KMT5B: variants seen among roughly 807,000 people sequenced by gnomAD.
KMT5B encodes lysine methyltransferase 5B, also known as histone-lysine N-methyltransferase KMT5B.
Under a neutral mutation model 83.2 loss-of-function variants are expected in KMT5B, and 10 were observed. The observed-to-expected ratio is 0.12, with a 90% CI of 0.07 to 0.20. KMT5B has a LOEUF of 0.20. Among genes scored for constraint, KMT5B ranks in the 10% least tolerant of loss-of-function variants. The pLI is 1.00. For missense variants in KMT5B, 753 were observed against 1,067.2 expected, an observed-to-expected ratio of 0.71 and a Z score of 4.10; for synonymous variants, 349 against 388.8, an observed-to-expected ratio of 0.90 and a Z score of 1.20.
In KMT5B at chr11:68,171,885, C is replaced by T. The variant is rs1005362090; in HGVS notation, c.654-176G>A. 1.3e-5 allele frequency among the ~76,000 whole-genome samples: 2 copies of T among 152,186 alleles called. No individual in the cohort carries two copies. The highest frequency in any genetic ancestry group is 4.8e-5 in the African/African-American group (2 of 41,440). On this transcript the variant is annotated intron_variant, in intron 6 of 10. Transcript: ENST00000304363. This position sits in a 1 kb window ranked among gnomAD's most constrained non-coding sequence, Gnocchi z 5.1. ...TCTTCTCTCCTACCCTGGAGCTCCA[C>T]AGCCTTGTGCCATGGTTACTTGTGT...
In KMT5B at chr11:68,169,136, G is replaced by A. The variant is rs145474726; in HGVS notation, c.977+1879C>T. 1.2e-3 allele frequency among the ~76,000 whole-genome samples: 188 copies of A among 152,308 alleles called. 1 individual carries two copies. Among genetic ancestry groups the A allele is most frequent in the African/African-American group, 3.1e-3 (129 of 41,560 alleles). On this transcript the variant is annotated intron_variant, in intron 9 of 10. Coordinates refer to ENST00000304363, the MANE Select transcript of KMT5B (RefSeq NM_017635.5). ...TTCCATTTAAAAAGGACTTACACAC[G>A]TTTCTATCTACTTCTCACACTAACC...
At chr11:68,163,554 A>G (rs1015739575) in intron 10 of KMT5B, among the ~76,000 whole-genome samples, 1 of 152,188 alleles carries the variant, frequency 6.6e-6, no homozygotes, top group Non-Finnish European at 1.5e-5. Context: ...AAGAGCTGTG[A>G]CCGACACCAA....
intron 9 of KMT5B, among the ~76,000 whole-genome samples, chr11:68,167,566 C>T (rs914741878): frequency 1.1e-4 from 16 of 151,732 alleles, no homozygotes; most frequent in Admixed American, 1.1e-3. Context: ...GAAGTCGTCC[C>T]ACCTCAGCAT....
At chr11:68,211,267 C>G (rs7118045) in intron 1 of KMT5B, among the ~76,000 whole-genome samples, 98,810 of 151,922 alleles carry the variant, frequency 0.65, 32,626 homozygotes, top group East Asian at 0.89. Flanking sequence ...ACCTTCCCCA[C>G]TACTGTCCCC....
At chr11:68,180,030 C>T in intron 4 of KMT5B, 102 bp downstream of exon 4, 2 of 1,351,438 alleles carry the variant, frequency 1.5e-6, no homozygotes, top group Non-Finnish European at 2.0e-6. Flanking sequence ...TTCTAAAACT[C>T]TAATTTATGC....
rs1859412030 is a variant in KMT5B at position 68,157,859 on chromosome 11, G to A, written c.2487C>T (p.Ser829=). The A allele has an allele frequency of 1.2e-6, 2 of 1,614,018 alleles. No homozygotes were observed. The highest frequency in any genetic ancestry group is 1.7e-6 in the Non-Finnish European group (2 of 1,179,978). Reference sequence around the variant, plus strand: ...CCTCTTCATCGCCCTCAGAAGAGGAGGAATCATCTGTACTTTCTTCCTCAT... The same window carrying A: ...CCTCTTCATCGCCCTCAGAAGAGGAAGAATCATCTGTACTTTCTTCCTCAT... ...SQYEEESTDD[S]SSSEGDEEED... The change falls in exon 11 of 11, where the codon TCC becomes TCT. Residue 829 remains serine, a synonymous_variant. Transcript: ENST00000304363.
intron 1 of KMT5B, among the ~76,000 whole-genome samples, chr11:68,198,495 GA>G (rs1859015862): frequency 7.4e-6 from 1 of 135,154 alleles, no homozygotes; most frequent in South Asian, 2.4e-4. Flanking sequence ...GACAAGACAA[GA>G]CAGGGCGGCT....
chr11:68,191,173 T>TTGTGTGTGTGTGTG (rs71040600), intron 1 of KMT5B, among the ~76,000 whole-genome samples: 2,530 of 139,224 alleles, frequency 0.018, 33 homozygotes, highest in African/African-American at 0.032. Context: ...TTTTAAAACT[T>TTGTGTGTGTGTGTG]TGTGTGTGTG....
At chr11:68,185,269 G>A (rs188865981) in intron 3 of KMT5B, among the ~76,000 whole-genome samples, 4 of 152,148 alleles carry the variant, frequency 2.6e-5, no homozygotes, top group South Asian at 2.1e-4. Flanking sequence ...GCAATGGCAC[G>A]ATCTCGGCTC....
At chr11:68,166,364 A>G in intron 10 of KMT5B, 1 of 1,026,694 alleles carries the variant, frequency 9.7e-7, no homozygotes, top group Non-Finnish European at 1.2e-6. Flanking sequence ...GGAATCTCAG[A>G]GGTTGCTTCT....
intron 1 of KMT5B, chr11:68,212,847 G>T (rs1349366311): frequency 6.6e-6 from 1 of 151,320 alleles, no homozygotes; most frequent in African/African-American, 2.4e-5. Context: ...CGCGAGCGGC[G>T]GGGCTGCTCC....
At chr11:68,211,117 C>T (rs1860838266) in intron 1 of KMT5B, among the ~76,000 whole-genome samples, 1 of 152,172 alleles carries the variant, frequency 6.6e-6, no homozygotes, top group African/African-American at 2.4e-5. Context: ...CAGATTCAAC[C>T]TCCTTTTTAA....
Position 68,171,364 on chromosome 11 carries a change from G to C in KMT5B, c.821-113C>G. 1 of 1,358,042 alleles carries C rather than the reference G, an allele frequency of 7.4e-7. No individual in the cohort carries two copies. The highest frequency in any genetic ancestry group is 1.0e-6 in the Non-Finnish European group (1 of 976,402). 84.1% of individuals were successfully genotyped at this position (1,358,042 alleles called of 1,614,324 possible). The stretch of plus-strand genomic sequence containing the variant: ...TATAACTTTACAACTTTTGATAGGA[G>C]TTTAGGTCTCAAGTTCAACTAAAGG... On this transcript the variant is annotated intron_variant, in intron 7 of 10. Coordinates refer to ENST00000304363, the MANE Select transcript of KMT5B (RefSeq NM_017635.5). The surrounding 1 kb of genome is among the most constrained non-coding windows in gnomAD (Gnocchi z 5.1).
intron 9 of KMT5B, 116 bp from the exon 10 acceptor site, chr11:68,167,294 A>G (rs1855400408): frequency 1.5e-6 from 2 of 1,291,034 alleles, no homozygotes; most frequent in African/African-American, 3.0e-5. Context: ...TGAGGCCTTA[A>G]TCACCACTGG....
rs1859396004 is a variant in KMT5B, at chr11:68,157,648, CT to C, written c.*39del. On this transcript the variant is annotated 3_prime_UTR_variant, in exon 11 of 11. Coordinates refer to ENST00000304363, the MANE Select transcript of KMT5B (RefSeq NM_017635.5). ...AATAATTGACTGGAATTTTTTATTTCTTTAAAGTAGTTATCCCAGGTCAAGT... is the reference window on the plus strand; with the variant it reads ...AATAATTGACTGGAATTTTTTATTTCTTAAAGTAGTTATCCCAGGTCAAGT... The C allele has an allele frequency of 6.7e-7, 1 of 1,498,594 alleles. No homozygotes were observed. Among genetic ancestry groups the C allele is most frequent in the African/African-American group, 1.4e-5 (1 of 71,356 alleles). 92.8% of individuals were successfully genotyped at this position (1,498,594 alleles called of 1,614,324 possible). A position where few individuals can be genotyped will look rare whatever the true frequency, so the allele number is the denominator to read the frequency against.
chr11:68,211,196 C>G (rs924421754), intron 1 of KMT5B, among the ~76,000 whole-genome samples: 1 of 152,176 alleles, frequency 6.6e-6, no homozygotes, highest in South Asian at 2.1e-4. Context: ...ACGCAGACAC[C>G]GGGACACTTC....
At chr11:68,211,604 C>A (rs1160201898) in intron 1 of KMT5B, among the ~76,000 whole-genome samples, 3 of 152,182 alleles carry the variant, frequency 2.0e-5, no homozygotes, top group African/African-American at 7.2e-5. Context: ...TGCCCGTGGG[C>A]GGACGAGATA....
chr11:68,196,674 G>A (rs1353147301), intron 1 of KMT5B, among the ~76,000 whole-genome samples: 2 of 151,808 alleles, frequency 1.3e-5, no homozygotes, highest in African/African-American at 2.4e-5. Flanking sequence ...AACAAGGCAG[G>A]AATCACAGCT....
At chr11:68,197,009 T>C (rs917427125) in intron 1 of KMT5B, among the ~76,000 whole-genome samples, 2 of 151,856 alleles carry the variant, frequency 1.3e-5, no homozygotes, top group African/African-American at 4.8e-5. Context: ...TCTCGCACTG[T>C]CCCCAAGTTA....
Sources: gnomAD v4.1 joint callset for allele counts (sites outside exome capture counted in the v4.1 genomes callset) on GRCh38, gnomAD v4.1.1 for gene constraint, Gnocchi (gnomAD v3.1) non-coding constraint, MANE v1.5 for transcripts, NCBI Gene and HGNC (gene_info 2026-07-23, HGNC 2026-07-21) for gene names.